Variants in HIVEP3 observed in about 807,000 individuals in gnomAD.
The protein encoded by HIVEP3 is transcription factor HIVEP3.
A neutral mutation model predicts 152.8 loss-of-function variants in HIVEP3; 49 were observed. That is an observed-to-expected ratio of 0.32 (90% confidence interval 0.26 to 0.41). HIVEP3 has a LOEUF of 0.41. HIVEP3 is among the 10% of genes least tolerant of loss of function. The pLI is 1.00. For missense variants in HIVEP3, 2,790 were observed against 3,103.3 expected (o/e 0.90, Z 2.40); for synonymous variants, 1,269 against 1,289.0 (o/e 0.98, Z 0.33).
intron 1 of HIVEP3, among the ~76,000 whole-genome samples, chr1:42,006,225 T>C (rs189804928): frequency 4.5e-4 from 69 of 151,926 alleles, no homozygotes; most frequent in Non-Finnish European, 8.2e-4. Context: ...ATGTGTTGCA[T>C]GTGTTGGTGT....
intron 1 of HIVEP3, among the ~76,000 whole-genome samples, chr1:41,844,101 C>T (rs1192893032): frequency 6.6e-6 from 1 of 152,154 alleles, no homozygotes; most frequent in Admixed American, 6.5e-5. Flanking sequence ...CTTCAGGCAG[C>T]CAAACTGAGG....
chr1:41,746,959 G>A (rs943914061), intron 1 of HIVEP3, among the ~76,000 whole-genome samples: 1 of 152,132 alleles, frequency 6.6e-6, no homozygotes, highest in Non-Finnish European at 1.5e-5. Context: ...GTGACCTGGT[G>A]TAACAGCATC....
intron 1 of HIVEP3, among the ~76,000 whole-genome samples, chr1:41,973,398 A>G (rs1197846609): frequency 6.6e-6 from 1 of 152,214 alleles, no homozygotes; most frequent in Non-Finnish European, 1.5e-5. Flanking sequence ...TGATTGAGGT[A>G]GGATCTGCTT....
At chr1:41,550,903 C>T (rs1174168691) in intron 5 of HIVEP3, among the ~76,000 whole-genome samples, 1 of 152,162 alleles carries the variant, frequency 6.6e-6, no homozygotes, top group Non-Finnish European at 1.5e-5. Context: ...CCAGAACTTC[C>T]AACACTATGT....
chr1:41,810,595 T>G (rs1650896049), intron 1 of HIVEP3, among the ~76,000 whole-genome samples: 1 of 152,238 alleles, frequency 6.6e-6, no homozygotes, highest in South Asian at 2.1e-4. Context: ...TTCATGCTTA[T>G]GCTTCTGCCT....
chr1:41,650,563 GTTTT>G (rs74511211), intron 2 of HIVEP3, among the ~76,000 whole-genome samples: 14 of 144,962 alleles, frequency 9.7e-5, no homozygotes, highest in Admixed American at 6.1e-4. Flanking sequence ...TGTTTTCTGG[GTTTT>G]TTTTTTTTTT....
intron 1 of HIVEP3, among the ~76,000 whole-genome samples, chr1:41,901,245 T>C (rs1268926249): frequency 1.3e-5 from 2 of 151,946 alleles, no homozygotes; most frequent in East Asian, 3.9e-4. Context: ...AGGAAGGGGC[T>C]GGGGTGTGGG....
rs757111451 is a variant in HIVEP3 at position 41,583,556 on chromosome 1, G to A, written c.1242C>T (p.Tyr414=). 3.2e-5 allele frequency: 52 copies of A among 1,614,168 alleles called. No individual in the cohort carries two copies. The highest frequency in any genetic ancestry group is 1.6e-4 in the Middle Eastern group (1 of 6,062). ...CACACTTGCCAAAGATGATCTCAGC[G>A]TAGGACTTGGCGTTGGTGTTTGGGG... ...VSPPNTNAKS[Y]AEIIFGKCGR... is the part of the protein sequence containing the mutation. The change falls in exon 4 of 9, where the codon TAC becomes TAT. Residue 414 remains tyrosine, a synonymous_variant. Transcript: ENST00000372583. This position sits in a 1 kb window ranked among gnomAD's most constrained non-coding sequence, Gnocchi z 6.9.
chr1:41,924,554 C>T (rs937806895), intron 1 of HIVEP3, among the ~76,000 whole-genome samples: 4 of 152,096 alleles, frequency 2.6e-5, no homozygotes, highest in Admixed American at 6.6e-5. Flanking sequence ...ACGGCCCTAC[C>T]ACTTAGTAGC....
At chr1:41,784,018 C>A (rs1649202403) in intron 1 of HIVEP3, among the ~76,000 whole-genome samples, 1 of 152,182 alleles carries the variant, frequency 6.6e-6, no homozygotes, top group African/African-American at 2.4e-5. Flanking sequence ...AGCTGCCTGG[C>A]TCTGCAGGGA....
Position 41,662,576 on chromosome 1 carries a change from C to A in HIVEP3, c.-720-33629G>T, listed in dbSNP as rs1645733623. 6.6e-6 allele frequency among the ~76,000 whole-genome samples: 1 copy of A among 151,098 alleles called. No homozygotes were observed. Among genetic ancestry groups the A allele is most frequent in the Admixed American group, 6.6e-5 (1 of 15,244 alleles). On this transcript the variant is annotated intron_variant, in intron 2 of 8. Coordinates refer to ENST00000372583, the MANE Select transcript of HIVEP3 (RefSeq NM_024503.5). This position sits in a 1 kb window ranked among gnomAD's most constrained non-coding sequence, Gnocchi z 7.2. ...TTCGCGGCCGGGGTCGCAGATGGGC[C>A]CGGGCGCGGCTGGCGGCTGCCAGGG...
In HIVEP3 at chr1:41,527,625, C is replaced by T. The variant is rs562238199; in HGVS notation, c.5208-2715G>A. Among the ~76,000 whole-genome samples the T allele has an allele frequency of 1.1e-4, 16 of 139,420 alleles. No individual in the cohort carries two copies. In the Admixed American group the frequency reaches 1.1e-3, roughly 10 times the overall value. 91.5% of individuals were successfully genotyped at this position (139,420 alleles called of 152,430 possible). The stretch of plus-strand genomic sequence containing the variant: ...GCATACTCTACTCCCCACCCTCACA[C>T]TCGCACTCCACATCCCCACCCTCAC... On this transcript the variant is annotated intron_variant, in intron 5 of 8. Coordinates refer to ENST00000372583, the MANE Select transcript of HIVEP3 (RefSeq NM_024503.5).
At chr1:41,603,275 CCAGG>C (rs1473988624) in intron 3 of HIVEP3, among the ~76,000 whole-genome samples, 3 of 152,006 alleles carry the variant, frequency 2.0e-5, no homozygotes, top group Non-Finnish European at 4.4e-5. Context: ...ACCATGTTGG[CCAGG>C]CTGGTCTCGA....
intron 3 of HIVEP3, among the ~76,000 whole-genome samples, chr1:41,594,852 T>A (rs959766400): frequency 6.6e-6 from 1 of 152,218 alleles, no homozygotes; most frequent in Non-Finnish European, 1.5e-5. Flanking sequence ...TTCCCTCCTT[T>A]CCTCTCTTCT....
At chr1:41,648,548 G>C (rs1253452705) in intron 2 of HIVEP3, among the ~76,000 whole-genome samples, 1 of 152,242 alleles carries the variant, frequency 6.6e-6, no homozygotes, top group African/African-American at 2.4e-5. Flanking sequence ...AACGAAATGT[G>C]TCCAATTTGC....
intron 1 of HIVEP3, among the ~76,000 whole-genome samples, chr1:41,958,139 C>T (rs11210557): frequency 0.015 from 2,301 of 152,310 alleles, 57 homozygotes; most frequent in African/African-American, 0.054. Flanking sequence ...TTTTGAGTGG[C>T]ACCCAGGGCA....
At chr1:41,894,819 C>T (rs1048945204) in intron 1 of HIVEP3, among the ~76,000 whole-genome samples, 1 of 152,104 alleles carries the variant, frequency 6.6e-6, no homozygotes. Context: ...TTTGAAAGGT[C>T]CCAAGTCTGT....
At chr1:41,822,621 A>T (rs1642640024) in intron 1 of HIVEP3, among the ~76,000 whole-genome samples, 1 of 152,222 alleles carries the variant, frequency 6.6e-6, no homozygotes, top group African/African-American at 2.4e-5. Context: ...AAGCTTCAAG[A>T]AGGCAGTTCT....
At chr1:41,546,703 C>A (rs1036230995) in intron 5 of HIVEP3, among the ~76,000 whole-genome samples, 4 of 152,216 alleles carry the variant, frequency 2.6e-5, no homozygotes, top group African/African-American at 4.8e-5. Flanking sequence ...GGCCTTGCTA[C>A]AGATGACCAC....
Sources: allele counts gnomAD v4.1 joint callset (sites outside exome capture counted in the v4.1 genomes callset), GRCh38; gene constraint gnomAD v4.1.1; non-coding constraint Gnocchi (gnomAD v3.1); transcripts MANE v1.5; gene names NCBI Gene and HGNC (gene_info 2026-07-23, HGNC 2026-07-21).